The following ZNF385D variants were observed in gnomAD, a reference collection of about 807,000 sequenced individuals.
ZNF385D encodes the protein zinc finger protein 659.
A neutral mutation model predicts 35.8 loss-of-function variants in ZNF385D; 15 were observed. The observed-to-expected ratio is 0.42, with a 90% confidence interval of 0.28 to 0.64. ZNF385D has a LOEUF of 0.64. Ranked by LOEUF, ZNF385D falls within the 30% of genes least tolerant of loss-of-function variation. The pLI, the probability that ZNF385D is intolerant of heterozygous loss-of-function variation, is 0.23. For missense variants in ZNF385D, 474 were observed against 494.6 expected (o/e 0.96, Z 0.39); for synonymous variants, 212 against 186.8 (o/e 1.13, Z -1.10).
intron 2 of ZNF385D, among the ~76,000 whole-genome samples, chr3:22,360,188 A>G (rs559937859): frequency 1.3e-5 from 2 of 152,118 alleles, no homozygotes; most frequent in African/African-American, 4.8e-5. Flanking sequence ...TAAGAAGCCA[A>G]ATGCTAAATA....
intron 3 of ZNF385D, among the ~76,000 whole-genome samples, chr3:21,783,422 G>A (rs111606364): frequency 5.1e-4 from 77 of 152,188 alleles, no homozygotes; most frequent in African/African-American, 1.7e-3. Flanking sequence ...AAGGGAAACA[G>A]CACCTTCTCC....
intron 4 of ZNF385D, among the ~76,000 whole-genome samples, chr3:21,466,957 T>C (rs1345951586): frequency 1.3e-5 from 2 of 152,168 alleles, no homozygotes; most frequent in African/African-American, 2.4e-5. Flanking sequence ...GTTCTGGACC[T>C]GAACCCAAAT....
chr3:22,064,406 T>A (rs1376658847), intron 3 of ZNF385D, among the ~76,000 whole-genome samples: 1 of 151,552 alleles, frequency 6.6e-6, no homozygotes, highest in African/African-American at 2.4e-5. Context: ...CTTATATGTA[T>A]TTCTTTAAAA....
intron 2 of ZNF385D, among the ~76,000 whole-genome samples, chr3:21,566,718 A>G (rs771503876): frequency 6.6e-6 from 1 of 152,180 alleles, no homozygotes; most frequent in Admixed American, 6.5e-5. Context: ...AATAATTTAC[A>G]TACAATAAAA....
At chr3:21,443,327 C>A (rs1701962403) in intron 4 of ZNF385D, 1 of 985,322 alleles carries the variant, frequency 1.0e-6, no homozygotes. Context: ...TCCTGGGGAA[C>A]AAAGTGTGGA....
At chr3:21,744,401 T>A (rs1188345866) in intron 1 of ZNF385D, among the ~76,000 whole-genome samples, 1 of 152,226 alleles carries the variant, frequency 6.6e-6, no homozygotes, top group East Asian at 1.9e-4. Flanking sequence ...AAGGTAAGTG[T>A]GAAGAGCAAC....
At chr3:22,090,778 C>G (rs1358413760) in intron 3 of ZNF385D, among the ~76,000 whole-genome samples, 6 of 152,106 alleles carry the variant, frequency 3.9e-5, no homozygotes, top group African/African-American at 7.2e-5. Flanking sequence ...AATGTACGAA[C>G]CACTCTGAGG....
intron 2 of ZNF385D, among the ~76,000 whole-genome samples, chr3:22,302,907 AATG>A (rs1702983886): frequency 1.3e-5 from 2 of 152,124 alleles, no homozygotes; most frequent in South Asian, 2.1e-4. Flanking sequence ...GTCTTTTAGT[AATG>A]ATGACAGGGA....
At chr3:22,139,507 T>A (rs1400297431) in intron 3 of ZNF385D, among the ~76,000 whole-genome samples, 1 of 152,012 alleles carries the variant, frequency 6.6e-6, no homozygotes, top group East Asian at 1.9e-4. Context: ...CAGCAAACTA[T>A]TGCAAGGACA....
At chr3:21,942,184 T>C (rs968501345) in intron 3 of ZNF385D, among the ~76,000 whole-genome samples, 2 of 152,226 alleles carry the variant, frequency 1.3e-5, no homozygotes, top group Admixed American at 6.5e-5. Flanking sequence ...TTCTGAAATA[T>C]TACATTTTAA....
At position 22,107,243 on chromosome 3, in the gene ZNF385D, G is replaced by T. The variant is rs538265543; in HGVS notation, c.325+61574C>A. Among the ~76,000 whole-genome samples the T allele has an allele frequency of 7.2e-5, 11 of 151,770 alleles. No homozygotes were observed. In the South Asian group the frequency reaches 2.3e-3, roughly 32 times the overall value. ...TCTCCATGTTGTTCAGGCTGGTCTC[G>T]AACTCCCGACCTCAGGTGATTTGCC... On this transcript the variant is annotated intron_variant, in intron 3 of 5. Coordinates refer to the ZNF385D transcript ENST00000494108.
intron 2 of ZNF385D, among the ~76,000 whole-genome samples, chr3:22,337,892 A>G (rs2125472797): frequency 1.3e-5 from 2 of 152,352 alleles, no homozygotes; most frequent in African/African-American, 4.8e-5. Flanking sequence ...GTCTGCATGG[A>G]TAGTAAAGAG....
chr3:21,921,154 C>G (rs921189083), intron 3 of ZNF385D, among the ~76,000 whole-genome samples: 12 of 134,728 alleles, frequency 8.9e-5, no homozygotes, highest in African/African-American at 3.3e-4. Context: ...ACCCGGGAGG[C>G]GGAGTTTGCA....
intron 2 of ZNF385D, among the ~76,000 whole-genome samples, chr3:22,283,247 C>G (rs1701858504): frequency 6.6e-6 from 1 of 152,078 alleles, no homozygotes; most frequent in Admixed American, 6.6e-5. Context: ...GACTTCAGTA[C>G]TCCACTGACA....
chr3:21,981,858 C>T (rs973810911), intron 3 of ZNF385D, among the ~76,000 whole-genome samples: 9 of 151,886 alleles, frequency 5.9e-5, no homozygotes, highest in African/African-American at 1.7e-4. Flanking sequence ...GCTTTGTTGA[C>T]GATCAGATGT....
At chr3:22,048,030 A>G (rs1375270213) in intron 3 of ZNF385D, among the ~76,000 whole-genome samples, 1 of 152,030 alleles carries the variant, frequency 6.6e-6, no homozygotes, top group Non-Finnish European at 1.5e-5. Flanking sequence ...ACTTGTGGTC[A>G]TTTCTATGTC....
At chr3:21,825,213 A>C (rs1337774803) in intron 3 of ZNF385D, among the ~76,000 whole-genome samples, 1 of 152,222 alleles carries the variant, frequency 6.6e-6, no homozygotes, top group Non-Finnish European at 1.5e-5. Context: ...ACAGTGTTCT[A>C]AAATGACAAG....
intron 5 of ZNF385D, among the ~76,000 whole-genome samples, chr3:21,430,007 C>G (rs17008685): frequency 4.0e-5 from 6 of 151,872 alleles, no homozygotes; most frequent in African/African-American, 7.3e-5. Flanking sequence ...GGAAAGCTCT[C>G]TCAAATCTAC....
intron 3 of ZNF385D, among the ~76,000 whole-genome samples, chr3:21,551,432 C>T (rs1049909444): frequency 4.6e-5 from 7 of 152,146 alleles, no homozygotes; most frequent in African/African-American, 1.7e-4. Flanking sequence ...TTATGAAATT[C>T]TATTGTTAGG....
Sources: allele counts gnomAD v4.1 joint callset (sites outside exome capture counted in the v4.1 genomes callset), GRCh38; gene constraint gnomAD v4.1.1; transcripts MANE v1.5; gene names NCBI Gene and HGNC (gene_info 2026-07-23, HGNC 2026-07-21).